GALNTL6: variants seen among roughly 807,000 people sequenced by gnomAD.
The protein encoded by GALNTL6 is polypeptide N-acetylgalactosaminyltransferase-like 6.
Under a neutral mutation model 73.7 loss-of-function variants are expected in GALNTL6, and 46 were observed. That is an observed-to-expected ratio of 0.62 (90% CI 0.49 to 0.80). GALNTL6 has a LOEUF of 0.80. GALNTL6 is among the 30% of genes least tolerant of loss of function. The pLI is 0.00. For missense variants in GALNTL6, 604 were observed against 755.0 expected (o/e 0.80, Z 2.34); for synonymous variants, 259 against 263.7 (o/e 0.98, Z 0.17).
intron 5 of GALNTL6, among the ~76,000 whole-genome samples, chr4:172,430,624 A>T (rs1394078866): frequency 6.6e-6 from 1 of 152,098 alleles, no homozygotes; most frequent in Non-Finnish European, 1.5e-5. Context: ...ATGAGATCGT[A>T]TCTCTACCAA....
chr4:172,749,757 G>A (rs1579433246), intron 5 of GALNTL6, among the ~76,000 whole-genome samples: 2 of 150,958 alleles, frequency 1.3e-5, no homozygotes, highest in South Asian at 4.2e-4. Flanking sequence ...AAAAGAATTA[G>A]CATCTTAATA....
At chr4:172,075,573 G>T (rs1731678035) in intron 2 of GALNTL6, among the ~76,000 whole-genome samples, 1 of 152,080 alleles carries the variant, frequency 6.6e-6, no homozygotes, top group Non-Finnish European at 1.5e-5. Context: ...CTGACCTCGC[G>T]ATCTGCCCGC....
intron 5 of GALNTL6, among the ~76,000 whole-genome samples, chr4:172,741,573 G>T (rs539866159): frequency 6.6e-6 from 1 of 152,110 alleles, no homozygotes; most frequent in Middle Eastern, 3.4e-3. Context: ...ATTTAGATCC[G>T]AGAGATAATA....
chr4:172,247,512 C>G (rs956300103), intron 3 of GALNTL6, among the ~76,000 whole-genome samples: 2 of 152,190 alleles, frequency 1.3e-5, no homozygotes, highest in African/African-American at 2.4e-5. Context: ...CTTAAAAGAA[C>G]TCAACTGTAA....
intron 4 of GALNTL6, among the ~76,000 whole-genome samples, chr4:172,329,377 G>A (rs1372912485): frequency 6.6e-6 from 1 of 152,066 alleles, no homozygotes; most frequent in Non-Finnish European, 1.5e-5. Context: ...CAAACTGTCT[G>A]GACATTTTTC....
chr4:172,717,037 AAC>A (rs1735147770), intron 5 of GALNTL6, among the ~76,000 whole-genome samples: 1 of 152,194 alleles, frequency 6.6e-6, no homozygotes, highest in South Asian at 2.1e-4. Context: ...CCTATATATT[AAC>A]ACTGTTAAGA....
At chr4:172,369,660 G>T (rs1485647859) in intron 5 of GALNTL6, among the ~76,000 whole-genome samples, 1 of 152,176 alleles carries the variant, frequency 6.6e-6, no homozygotes, top group Admixed American at 6.5e-5. Flanking sequence ...CGTGGCATGG[G>T]CAGGCCGGCA....
At chr4:172,914,715 T>C (rs1747406884) in intron 8 of GALNTL6, among the ~76,000 whole-genome samples, 1 of 152,208 alleles carries the variant, frequency 6.6e-6, no homozygotes, top group Non-Finnish European at 1.5e-5. Flanking sequence ...TAAATGTATA[T>C]GCACCCAATA....
intron 2 of GALNTL6, among the ~76,000 whole-genome samples, chr4:171,844,422 C>A (rs1383500561): frequency 6.6e-6 from 1 of 152,096 alleles, no homozygotes; most frequent in Admixed American, 6.6e-5. Context: ...TTGGGAAACC[C>A]TGGTAGTTTT....
chr4:172,011,090 T>C (rs1740992536), intron 2 of GALNTL6, among the ~76,000 whole-genome samples: 1 of 152,096 alleles, frequency 6.6e-6, no homozygotes, highest in South Asian at 2.1e-4. Context: ...ATGAGAACTG[T>C]ACTATTACTA....
intron 2 of GALNTL6, among the ~76,000 whole-genome samples, chr4:171,818,349 A>G (rs1473030407): frequency 1.3e-5 from 2 of 151,860 alleles, no homozygotes; most frequent in Non-Finnish European, 1.5e-5. Flanking sequence ...TCCTAAATAC[A>G]TTTTTAAAAA....
At chr4:172,675,426 T>C (rs941311447) in intron 5 of GALNTL6, among the ~76,000 whole-genome samples, 5 of 152,168 alleles carry the variant, frequency 3.3e-5, no homozygotes, top group African/African-American at 1.2e-4. Context: ...CTCACCACAG[T>C]GGCAGAGGCA....
chr4:172,191,348 T>C (rs1016423864), intron 2 of GALNTL6, among the ~76,000 whole-genome samples: 5 of 152,180 alleles, frequency 3.3e-5, no homozygotes, highest in African/African-American at 9.6e-5. Context: ...TCTGTTCACA[T>C]AATTAAATAT....
In GALNTL6 at chr4:171,851,859, G is replaced by T. The variant is rs151067037; in HGVS notation, c.138+37141G>T. Among the ~76,000 whole-genome samples, 22 of 152,284 alleles carry T rather than the reference G, an allele frequency of 1.4e-4. No homozygotes were observed. The East Asian group carries it at 4.3e-3, about 29-fold the overall frequency. On this transcript the variant is annotated intron_variant, in intron 2 of 12. Coordinates refer to ENST00000506823, the MANE Select transcript of GALNTL6 (RefSeq NM_001034845.3). Reference sequence around the variant, plus strand: ...ATTTCAAAAGAGCTTACTGCCACAAGCATCCCCTTCAAAGTTAAAGATTTA... The same window carrying T: ...ATTTCAAAAGAGCTTACTGCCACAATCATCCCCTTCAAAGTTAAAGATTTA...
chr4:172,706,526 A>C (rs1017793652), intron 5 of GALNTL6, among the ~76,000 whole-genome samples: 2 of 151,892 alleles, frequency 1.3e-5, no homozygotes, highest in Admixed American at 6.6e-5. Context: ...ACTTATGTCT[A>C]TGTCTTTGCA....
At chr4:171,945,932 G>T (rs1208395980) in intron 2 of GALNTL6, among the ~76,000 whole-genome samples, 1 of 152,090 alleles carries the variant, frequency 6.6e-6, no homozygotes, top group Non-Finnish European at 1.5e-5. Flanking sequence ...CCAGGTGACT[G>T]GATATTGTGT....
At chr4:172,145,496 C>T (rs544521464) in intron 2 of GALNTL6, among the ~76,000 whole-genome samples, 16 of 152,178 alleles carry the variant, frequency 1.1e-4, no homozygotes, top group Non-Finnish European at 1.5e-4. Context: ...CCATTCACCT[C>T]GGCCTCCCAA....
chr4:171,948,279 A>G (rs911148026), intron 2 of GALNTL6, among the ~76,000 whole-genome samples: 2 of 152,184 alleles, frequency 1.3e-5, no homozygotes, highest in African/African-American at 2.4e-5. Context: ...GGTACCTGTC[A>G]TAAGACTGAA....
chr4:172,540,051 C>CTTT (rs70944413), intron 5 of GALNTL6, among the ~76,000 whole-genome samples: 6 of 129,184 alleles, frequency 4.6e-5, no homozygotes, highest in South Asian at 2.5e-4. Context: ...TTCTTTCTTT[C>CTTT]TTTTTTTTTT....
Sources: gnomAD v4.1 joint callset for allele counts (sites outside exome capture counted in the v4.1 genomes callset) on GRCh38, gnomAD v4.1.1 for gene constraint, MANE v1.5 for transcripts, NCBI Gene and HGNC (gene_info 2026-07-23, HGNC 2026-07-21) for gene names.